Variants in MINDY4 observed in about 807,000 individuals in gnomAD.
MINDY4 encodes probable ubiquitin carboxyl-terminal hydrolase MINDY-4.
Under a neutral mutation model 87.0 loss-of-function variants are expected in MINDY4, and 68 were observed. That is an observed-to-expected ratio of 0.78 (90% CI 0.64 to 0.96). MINDY4 has a LOEUF of 0.96. Among genes scored for constraint, MINDY4 ranks in the 40% least tolerant of loss-of-function variants. The pLI, the probability that MINDY4 is intolerant of heterozygous loss-of-function variation, is 0.00. For synonymous variants in MINDY4, 379 were observed against 363.2 expected (o/e 1.04, Z -0.50); for missense variants, 919 against 928.2 (o/e 0.99, Z 0.13).
At chr7:30,862,752 A>T (rs1432202853) in intron 13 of MINDY4, among the ~76,000 whole-genome samples, 1 of 152,216 alleles carries the variant, frequency 6.6e-6, no homozygotes, top group African/African-American at 2.4e-5. Context: ...AAGCACCAGG[A>T]TACCTAGGTC....
intron 2 of MINDY4, chr7:30,779,660 G>C (rs1392561648): frequency 6.6e-6 from 1 of 152,202 alleles, no homozygotes; most frequent in Non-Finnish European, 1.5e-5. Context: ...CTCTCAGGAG[G>C]GGGAGCTGTG....
intron 4 of MINDY4, among the ~76,000 whole-genome samples, chr7:30,788,505 C>T (rs1198804940): frequency 6.6e-6 from 1 of 151,992 alleles, no homozygotes; most frequent in Non-Finnish European, 1.5e-5. Context: ...TTGATGTCAC[C>T]CCCAGCTCAT....
chr7:30,812,806 C>T (rs1436078121), intron 5 of MINDY4, among the ~76,000 whole-genome samples: 2 of 152,166 alleles, frequency 1.3e-5, no homozygotes, highest in African/African-American at 2.4e-5. Context: ...AATCCTCACC[C>T]AGCCTTCTGG....
chr7:30,889,846 G>A (rs952829239), intron 17 of MINDY4, among the ~76,000 whole-genome samples: 2 of 152,204 alleles, frequency 1.3e-5, no homozygotes, highest in African/African-American at 4.8e-5. Flanking sequence ...GTTAGACTGG[G>A]AATGGATCTC....
rs779760592 is a variant in MINDY4 at position 30,791,297 on chromosome 7, TC to T, written c.801del (p.Ser268ProfsTer11). 6.2e-7 allele frequency: 1 copy of T among 1,613,952 alleles called. No homozygotes were observed. Among genetic ancestry groups the T allele is most frequent in the Admixed American group, 1.7e-5 (1 of 60,002 alleles). ...GGACATTCTGGCTTCGAGCAACAGC[TC>T]CCCCTCCAGGACCTCCCTGGGTCAG... ...QQDILASSNS[S>X]PSRTSLGQLS... On this transcript the variant is annotated frameshift_variant, in exon 5 of 18. Coordinates refer to ENST00000265299, the MANE Select transcript of MINDY4 (RefSeq NM_032222.3). LOFTEE classifies it high-confidence loss of function.
At chr7:30,811,333 G>C (rs994387495) in intron 5 of MINDY4, among the ~76,000 whole-genome samples, 15 of 152,214 alleles carry the variant, frequency 9.9e-5, no homozygotes, top group Admixed American at 6.5e-5. Context: ...CCTGCTTACA[G>C]CTCCCTTGTT....
At chr7:30,867,604 G>A (rs112578115) in intron 13 of MINDY4, among the ~76,000 whole-genome samples, 144 of 152,260 alleles carry the variant, frequency 9.5e-4, no homozygotes, top group African/African-American at 3.4e-3. Context: ...AAGTTCTCTT[G>A]GTTGTACCAC....
intron 7 of MINDY4, among the ~76,000 whole-genome samples, chr7:30,838,652 G>A (rs1356424660): frequency 1.3e-5 from 2 of 152,138 alleles, no homozygotes; most frequent in African/African-American, 4.8e-5. Context: ...GTGGGTCACA[G>A]TTTAGTAACC....
At chr7:30,845,191 AAG>A (rs1789168647) in intron 9 of MINDY4, among the ~76,000 whole-genome samples, 2 of 152,120 alleles carry the variant, frequency 1.3e-5, no homozygotes, top group Non-Finnish European at 2.9e-5. Context: ...CCTAGGGACC[AAG>A]GGGTGGCTCT....
intron 3 of MINDY4, among the ~76,000 whole-genome samples, chr7:30,785,425 T>G (rs758451248): frequency 5.3e-5 from 8 of 152,204 alleles, no homozygotes; most frequent in Non-Finnish European, 8.8e-5. Flanking sequence ...ATGACTGTAC[T>G]GAAAGGTTAT....
intron 1 of MINDY4, among the ~76,000 whole-genome samples, chr7:30,771,789 TC>T (rs1271843410): frequency 8.5e-5 from 13 of 152,198 alleles, no homozygotes; most frequent in Non-Finnish European, 2.9e-5. Context: ...TTGGACCCCG[TC>T]CGCTGCCCTC....
At chr7:30,843,695 C>T (rs1442948258) in intron 9 of MINDY4, among the ~76,000 whole-genome samples, 2 of 149,540 alleles carry the variant, frequency 1.3e-5, no homozygotes, top group Non-Finnish European at 3.0e-5. Context: ...GTTGGGATCC[C>T]AAGGGGGTGT....
At chr7:30,793,323 A>G (rs1217324926) in intron 5 of MINDY4, among the ~76,000 whole-genome samples, 1 of 147,070 alleles carries the variant, frequency 6.8e-6, no homozygotes, top group Non-Finnish European at 1.5e-5. Context: ...TGGCATTTAT[A>G]TTTTCTTTTT....
intron 5 of MINDY4, among the ~76,000 whole-genome samples, chr7:30,816,515 A>T (rs1350016404): frequency 6.6e-6 from 1 of 152,182 alleles, no homozygotes; most frequent in Admixed American, 6.5e-5. Context: ...ATGGCTTAGG[A>T]GGCTGGAGTA....
At chr7:30,880,517 A>T (rs1054553532) in intron 15 of MINDY4, among the ~76,000 whole-genome samples, 6 of 152,230 alleles carry the variant, frequency 3.9e-5, no homozygotes, top group African/African-American at 1.4e-4. Flanking sequence ...CCGTTGGAAA[A>T]TTCAGGGTGG....
intron 4 of MINDY4, among the ~76,000 whole-genome samples, chr7:30,790,026 G>T (rs1163931096): frequency 6.6e-6 from 1 of 152,188 alleles, no homozygotes; most frequent in Non-Finnish European, 1.5e-5. Context: ...TCAGGAGGGG[G>T]TTGAGACCAT....
At chr7:30,778,670 C>G in intron 2 of MINDY4, 119 bp downstream of exon 2, 2 of 1,239,928 alleles carry the variant, frequency 1.6e-6, no homozygotes, top group Non-Finnish European at 2.3e-6. Context: ...GTCACACTTG[C>G]GGTCAGAGAG....
chr7:30,814,779 G>A (rs1156980334), intron 5 of MINDY4, among the ~76,000 whole-genome samples: 1 of 152,204 alleles, frequency 6.6e-6, no homozygotes, highest in Non-Finnish European at 1.5e-5. Flanking sequence ...TTATTTAAGT[G>A]TAAGCCTCTT....
At chr7:30,790,200 T>C (rs1787279116) in intron 4 of MINDY4, among the ~76,000 whole-genome samples, 2 of 152,166 alleles carry the variant, frequency 1.3e-5, no homozygotes, top group Admixed American at 1.3e-4. Context: ...ATCCAAAACC[T>C]TTGGGCTGGA....
Sources: gnomAD v4.1 joint callset for allele counts (sites outside exome capture counted in the v4.1 genomes callset) on GRCh38, gnomAD v4.1.1 for gene constraint, MANE v1.5 for transcripts, NCBI Gene and HGNC (gene_info 2026-07-23, HGNC 2026-07-21) for gene names.